Variants in WWOX observed in about 807,000 individuals in gnomAD.
WWOX encodes the protein WW domain containing oxidoreductase.
WWOX carries 69 observed loss-of-function variants against 46.2 expected under a neutral mutation model. The observed-to-expected ratio is 1.49, with a 90% CI of 1.23 to 1.82. The LOEUF is 1.82. Among genes scored for constraint, WWOX ranks in the 40% most tolerant of loss-of-function variants. The probability of loss-of-function intolerance (pLI) is 0.00; values close to 1 mark genes in which losing one functional copy is unlikely to be tolerated. For missense variants in WWOX, 919 were observed against 542.6 expected, an observed-to-expected ratio of 1.69 and a Z score of -6.89; for synonymous variants, 359 against 202.6, an observed-to-expected ratio of 1.77 and a Z score of -6.56.
intron 1 of WWOX, 54 bp from the exon 2 acceptor site, chr16:78,108,369 T>C (rs974761608): frequency 5.0e-5 from 78 of 1,564,986 alleles, no homozygotes; most frequent in Non-Finnish European, 6.0e-5. Context: ...AATTGATTAC[T>C]TTTTAGAAGA....
intron 8 of WWOX, among the ~76,000 whole-genome samples, chr16:79,114,672 C>A (rs1165036475): frequency 6.6e-6 from 1 of 152,116 alleles, no homozygotes; most frequent in African/African-American, 2.4e-5. Context: ...TTGTTTCAAG[C>A]CACCTAGTTT....
chr16:78,547,137 A>C (rs575381742), intron 8 of WWOX, among the ~76,000 whole-genome samples: 1,764 of 44,886 alleles, frequency 0.039, 97 homozygotes, highest in Middle Eastern at 0.18. Context: ...GAAAAAAAAA[A>C]AAAAAAAAAA....
intron 8 of WWOX, among the ~76,000 whole-genome samples, chr16:78,698,588 C>G (rs550128946): frequency 7.9e-5 from 12 of 152,292 alleles, no homozygotes; most frequent in Non-Finnish European, 1.3e-4. Context: ...TATTATGCTA[C>G]ATTTCTAATA....
intron 8 of WWOX, among the ~76,000 whole-genome samples, chr16:78,462,789 C>T (rs2083982948): frequency 1.3e-5 from 2 of 152,202 alleles, no homozygotes; most frequent in South Asian, 4.1e-4. Context: ...AGTTACGCTT[C>T]CCTTGATTAG....
chr16:78,255,642 G>C (rs1567460471), intron 5 of WWOX, among the ~76,000 whole-genome samples: 1 of 152,050 alleles, frequency 6.6e-6, no homozygotes, highest in Admixed American at 6.6e-5. Flanking sequence ...ACCCCACTTA[G>C]GAAAATACGT....
intron 6 of WWOX, among the ~76,000 whole-genome samples, chr16:78,413,745 G>T (rs2082734508): frequency 6.6e-6 from 1 of 151,984 alleles, no homozygotes; most frequent in African/African-American, 2.4e-5. Context: ...GGAATCAAAG[G>T]TGCCCTCCTG....
intron 5 of WWOX, among the ~76,000 whole-genome samples, chr16:78,286,197 G>A (rs535377700): frequency 1.2e-3 from 190 of 152,298 alleles, no homozygotes; most frequent in African/African-American, 4.3e-3. Flanking sequence ...TTCACAAGGC[G>A]AAAATCCAAG....
chr16:78,919,183 G>T (rs1252674717), intron 8 of WWOX, among the ~76,000 whole-genome samples: 1 of 152,018 alleles, frequency 6.6e-6, no homozygotes, highest in Non-Finnish European at 1.5e-5. Flanking sequence ...ACATGCATGG[G>T]CTCTGTGCTA....
intron 8 of WWOX, among the ~76,000 whole-genome samples, chr16:78,806,389 A>G (rs987739559): frequency 2.6e-5 from 4 of 152,190 alleles, no homozygotes; most frequent in Non-Finnish European, 5.9e-5. Flanking sequence ...TAAAACAACA[A>G]CATTTATTTT....
intron 6 of WWOX, among the ~76,000 whole-genome samples, chr16:78,395,736 A>T (rs982443837): frequency 6.7e-6 from 1 of 148,786 alleles, no homozygotes; most frequent in African/African-American, 2.5e-5. Flanking sequence ...TCTACTGAGT[A>T]TGGTTTTTTG....
chr16:78,688,713 C>T (rs2047918568), intron 8 of WWOX, among the ~76,000 whole-genome samples: 1 of 152,102 alleles, frequency 6.6e-6, no homozygotes, highest in Non-Finnish European at 1.5e-5. Context: ...GAGAGTGCTC[C>T]TGGCATCTGG....
chr16:78,783,416 A>G (rs892215500), intron 8 of WWOX, among the ~76,000 whole-genome samples: 1 of 152,216 alleles, frequency 6.6e-6, no homozygotes, highest in East Asian at 1.9e-4. Context: ...AAGAGACAGA[A>G]GAGAGGAAGG....
chr16:78,541,090 C>G lies in WWOX; in HGVS notation c.1056+108338C>G, dbSNP rs925362877. 5.9e-5 allele frequency among the ~76,000 whole-genome samples: 9 copies of G among 152,186 alleles called. No individual in the cohort carries two copies. The South Asian group carries it at 1.9e-3, about 32-fold the overall frequency. On this transcript the variant is annotated intron_variant, in intron 8 of 8. Transcript: ENST00000566780. Reference sequence around the variant, plus strand: ...AGGCTTTTGAGAATATTCGGAGAACCTAATATATTTTGAGACCTGACATTT... The same window carrying G: ...AGGCTTTTGAGAATATTCGGAGAACGTAATATATTTTGAGACCTGACATTT...
chr16:78,481,895 C>G (rs1195523788), intron 8 of WWOX, among the ~76,000 whole-genome samples: 9 of 152,080 alleles, frequency 5.9e-5, no homozygotes, highest in Non-Finnish European at 1.2e-4. Flanking sequence ...AAATAAATAA[C>G]TTTTCTGCAG....
chr16:78,372,174 C>G (rs1377267476), intron 5 of WWOX, among the ~76,000 whole-genome samples: 1 of 152,208 alleles, frequency 6.6e-6, no homozygotes, highest in Non-Finnish European at 1.5e-5. Context: ...GTTCTCACAT[C>G]TGGACAACAA....
Position 78,911,513 on chromosome 16 carries a change from T to C in WWOX, c.1057-300095T>C, listed in dbSNP as rs934990153. Among the ~76,000 whole-genome samples the C allele has an allele frequency of 1.8e-4, 27 of 151,802 alleles. 1 individual carries two copies. Among genetic ancestry groups the C allele is most frequent in the Non-Finnish European group, 2.9e-5 (2 of 67,944 alleles). The stretch of plus-strand genomic sequence containing the variant: ...AGATATAAGGAGAGAAATGGACAAT[T>C]CTTTTGGTAATTGAATGAAATAAGA... On this transcript the variant is annotated intron_variant, in intron 8 of 8. Coordinates refer to ENST00000566780, the MANE Select transcript of WWOX (RefSeq NM_016373.4).
chr16:78,920,232 G>C (rs1005233076), intron 8 of WWOX, among the ~76,000 whole-genome samples: 1 of 152,156 alleles, frequency 6.6e-6, no homozygotes, highest in Non-Finnish European at 1.5e-5. Context: ...AGTTCTTAAA[G>C]TTTCTTCCAG....
intron 8 of WWOX, among the ~76,000 whole-genome samples, chr16:78,477,320 A>G (rs1299069864): frequency 1.3e-5 from 2 of 152,212 alleles, no homozygotes; most frequent in Non-Finnish European, 2.9e-5. Context: ...ATAAAAACCT[A>G]GCAAACCTTT....
At chr16:78,949,682 C>T (rs902954920) in intron 8 of WWOX, among the ~76,000 whole-genome samples, 1 of 152,242 alleles carries the variant, frequency 6.6e-6, no homozygotes, top group Non-Finnish European at 1.5e-5. Context: ...TTGAGGTATA[C>T]GTGTGGCTTC....
Sources: gnomAD v4.1 joint callset for allele counts (sites outside exome capture counted in the v4.1 genomes callset) on GRCh38, gnomAD v4.1.1 for gene constraint, MANE v1.5 for transcripts, NCBI Gene and HGNC (gene_info 2026-07-23, HGNC 2026-07-21) for gene names.